BIN2: variants seen among roughly 807,000 people sequenced by gnomAD.
The protein encoded by BIN2 is bridging integrator 2.
Under a neutral mutation model 67.9 loss-of-function variants are expected in BIN2, and 43 were observed. The observed-to-expected ratio is 0.63, with a 90% CI of 0.50 to 0.82. The LOEUF is 0.82. BIN2 is among the 40% of genes least tolerant of loss of function. The probability of loss-of-function intolerance (pLI) is 0.00; values close to 1 mark genes in which losing one functional copy is unlikely to be tolerated. For missense variants in BIN2, 581 were observed against 671.6 expected (o/e 0.87, Z 1.49); for synonymous variants, 244 against 246.8 (o/e 0.99, Z 0.11).
intron 7 of BIN2, among the ~76,000 whole-genome samples, chr12:51,298,000 CT>C (rs1945616029): frequency 6.6e-6 from 1 of 152,044 alleles, no homozygotes; most frequent in African/African-American, 2.4e-5. Context: ...AATCCCAGCA[CT>C]TTGGGAGGCT....
rs768854611 is a variant in BIN2 at position 51,291,826 on chromosome 12, C to T, written c.1280G>A (p.Arg427Lys). Reference sequence around the variant, plus strand: ...GGAAGGTATGTTCCCTGAGGAGGGCCTGGGGCTTGCAGTGGCTCTGGGTGG... The same window carrying T: ...GGAAGGTATGTTCCCTGAGGAGGGCTTGGGGCTTGCAGTGGCTCTGGGTGG... ...PPPPRATASP[R>K]PSSGNIPSSP... Residue 427 changes from arginine (R) to lysine (K), a missense_variant, in exon 10 of 13, where the codon AGG becomes AAG. By Grantham distance (26) the Arg-to-Lys change is conservative. Coordinates refer to ENST00000615107, the MANE Select transcript of BIN2 (RefSeq NM_016293.4). 1.2e-6 allele frequency: 2 copies of T among 1,613,914 alleles called. No individual in the cohort carries two copies. Among genetic ancestry groups the T allele is most frequent in the Non-Finnish European group, 1.7e-6 (2 of 1,179,976 alleles).
At chr12:51,289,567 G>C (rs1380825608) in intron 10 of BIN2, among the ~76,000 whole-genome samples, 1 of 152,072 alleles carries the variant, frequency 6.6e-6, no homozygotes, top group Non-Finnish European at 1.5e-5. Context: ...AGTGAGTCAT[G>C]ATCATGCCAT....
At chr12:51,281,928 A>C (rs1945128189) in intron 12 of BIN2, among the ~76,000 whole-genome samples, 1 of 152,034 alleles carries the variant, frequency 6.6e-6, no homozygotes, top group East Asian at 1.9e-4. Flanking sequence ...TTTATTAAAA[A>C]AAAAATTTGT....
chr12:51,322,852 C>T (rs1946322479), intron 1 of BIN2: 1 of 152,220 alleles, frequency 6.6e-6, no homozygotes, highest in Non-Finnish European at 1.5e-5. Context: ...AATAACCTCC[C>T]TTCCATTGTG....
In BIN2 at chr12:51,284,779, G is replaced by A; in HGVS notation, c.1605C>T (p.Asp535=). ...LISANSSEGQ[D]QLQVSMVPEN... ...CTGGTACCATGGAGACTTGAAGCTG[G>A]TCTTGGCCCTACAAAGAGAAGAGTT... The change falls in exon 12 of 13, where the codon GAC becomes GAT. Residue 535 remains aspartate (D), a synonymous_variant. Coordinates refer to ENST00000615107, the MANE Select transcript of BIN2 (RefSeq NM_016293.4). The A allele has an allele frequency of 6.2e-7, 1 of 1,613,222 alleles. No homozygotes were observed. The highest frequency in any genetic ancestry group is 8.5e-7 in the Non-Finnish European group (1 of 1,179,234).
chr12:51,306,939 G>A (rs773911268), intron 2 of BIN2, among the ~76,000 whole-genome samples: 29 of 152,162 alleles, frequency 1.9e-4, no homozygotes, highest in Non-Finnish European at 3.2e-4. Flanking sequence ...TTTTGAAAAG[G>A]TGATAATCAA....
At chr12:51,309,815 G>A (rs746573844) in intron 2 of BIN2, among the ~76,000 whole-genome samples, 11 of 152,160 alleles carry the variant, frequency 7.2e-5, no homozygotes, top group South Asian at 2.1e-4. Context: ...TCCTGATGGC[G>A]CTTCTTCTTC....
chr12:51,305,017 C>T (rs1300565541), intron 2 of BIN2, among the ~76,000 whole-genome samples: 1 of 149,136 alleles, frequency 6.7e-6, no homozygotes, highest in Non-Finnish European at 1.5e-5. Flanking sequence ...GACTCCGTCT[C>T]AAAACAAAAC....
At chr12:51,324,408 A>C, upstream of BIN2, 1 of 1,386,888 alleles carries the variant, frequency 7.2e-7, no homozygotes, top group Non-Finnish European at 9.5e-7. Flanking sequence ...GTGGGCCCAC[A>C]CTCACTCGCT....
intron 12 of BIN2, among the ~76,000 whole-genome samples, chr12:51,282,118 A>G (rs1945131586): frequency 2.0e-5 from 3 of 152,170 alleles, no homozygotes; most frequent in Admixed American, 1.3e-4. Flanking sequence ...AACCAATTTC[A>G]TGGTCATCCT....
upstream of BIN2, chr12:51,324,213 G>C (rs917425686): frequency 1.3e-6 from 2 of 1,494,396 alleles, no homozygotes; most frequent in Non-Finnish European, 1.8e-6. Flanking sequence ...CCCCAGCCCT[G>C]AGCCACCTCA....
At chr12:51,314,917 A>G (rs1285981870) in intron 1 of BIN2, among the ~76,000 whole-genome samples, 3 of 152,032 alleles carry the variant, frequency 2.0e-5, no homozygotes, top group East Asian at 3.9e-4. Context: ...CAGTGGTGCA[A>G]TCACAACTTA....
intron 4 of BIN2, 155 bp downstream of exon 4, chr12:51,302,531 G>GCTT (rs1294101815): frequency 1.5e-6 from 1 of 680,118 alleles, no homozygotes. Context: ...AACAGTTGTA[G>GCTT]CTTCTTCCTA....
intron 1 of BIN2, among the ~76,000 whole-genome samples, chr12:51,315,010 C>T (rs1946085194): frequency 6.6e-6 from 1 of 151,868 alleles, no homozygotes; most frequent in African/African-American, 2.4e-5. Context: ...CACACCACCA[C>T]ACCTCACTAA....
intron 11 of BIN2, among the ~76,000 whole-genome samples, chr12:51,286,653 A>G (rs537506957): frequency 6.6e-6 from 1 of 152,206 alleles, no homozygotes; most frequent in African/African-American, 2.4e-5. Context: ...AATCAATTCA[A>G]CCATTGAGTT....
chr12:51,291,210 T>G (rs1945372752), intron 10 of BIN2, among the ~76,000 whole-genome samples: 1 of 151,978 alleles, frequency 6.6e-6, no homozygotes, highest in Non-Finnish European at 1.5e-5. Flanking sequence ...GATTACTAAA[T>G]TAATAGCTAT....
intron 10 of BIN2, among the ~76,000 whole-genome samples, chr12:51,288,703 C>T (rs1945306993): frequency 6.6e-6 from 1 of 151,888 alleles, no homozygotes; most frequent in African/African-American, 2.4e-5. Flanking sequence ...GACATTTCAC[C>T]ATAATCCTCT....
At chr12:51,281,942 C>T (rs1031120510) in intron 12 of BIN2, among the ~76,000 whole-genome samples, 1 of 151,918 alleles carries the variant, frequency 6.6e-6, no homozygotes, top group Non-Finnish European at 1.5e-5. Context: ...AATTTGTTGC[C>T]TAGAATGGTC....
At chr12:51,293,799 G>A (rs1326265411) in intron 9 of BIN2, among the ~76,000 whole-genome samples, 1 of 152,170 alleles carries the variant, frequency 6.6e-6, no homozygotes, top group Non-Finnish European at 1.5e-5. Flanking sequence ...TTATACTCAT[G>A]AGCTTGTAAG....
Sources: allele counts gnomAD v4.1 joint callset (sites outside exome capture counted in the v4.1 genomes callset), GRCh38; gene constraint gnomAD v4.1.1; transcripts MANE v1.5; gene names NCBI Gene and HGNC (gene_info 2026-07-23, HGNC 2026-07-21).